The following KHDRBS2 variants were observed in gnomAD, a reference collection of about 807,000 sequenced individuals.
The protein encoded by KHDRBS2 is KH domain-containing, RNA-binding, signal transduction-associated protein 2.
A neutral mutation model predicts 44.3 loss-of-function variants in KHDRBS2; 26 were observed. The observed-to-expected ratio is 0.59, with a 90% CI of 0.43 to 0.81. The LOEUF (loss-of-function observed/expected upper bound fraction) is 0.81, where lower values mean the gene tolerates loss of function less well. KHDRBS2 is among the 40% of genes least tolerant of loss of function. The pLI is 0.00. For missense variants in KHDRBS2, 476 were observed against 433.1 expected, an observed-to-expected ratio of 1.10 and a Z score of -0.88; for synonymous variants, 194 against 151.1, an observed-to-expected ratio of 1.28 and a Z score of -2.08.
At chr6:61,776,276 C>G (rs1287548084) in intron 6 of KHDRBS2, among the ~76,000 whole-genome samples, 3 of 151,976 alleles carry the variant, frequency 2.0e-5, no homozygotes, top group Non-Finnish European at 4.4e-5. Flanking sequence ...GCAACAAAAG[C>G]CAAAATTGAC....
chr6:61,955,398 G>A (rs867433722), intron 4 of KHDRBS2, among the ~76,000 whole-genome samples: 3 of 31,980 alleles, frequency 9.4e-5, no homozygotes, highest in South Asian at 8.8e-4. Context: ...GTATGTGTAT[G>A]TATACATATA....
chr6:61,788,800 A>T (rs982977938), intron 6 of KHDRBS2, among the ~76,000 whole-genome samples: 46 of 151,344 alleles, frequency 3.0e-4, no homozygotes, highest in Non-Finnish European at 6.2e-4. Context: ...AGGAAGTAAA[A>T]TGTTCATAGA....
chr6:61,555,813 C>A, the KHDRBS2 span, among the ~76,000 whole-genome samples: 56 of 152,276 alleles, frequency 3.7e-4, 1 homozygote, highest in African/African-American at 1.3e-3. Context: ...CACTCCTGGG[C>A]TATATGCTTT....
intron 1 of KHDRBS2, among the ~76,000 whole-genome samples, chr6:62,253,868 G>T (rs1036699320): frequency 2.0e-5 from 3 of 151,802 alleles, no homozygotes; most frequent in Admixed American, 6.6e-5. Context: ...GCTATTTCTG[G>T]TATAACAGTG....
At chr6:61,677,170 C>T (rs1299653421), downstream of KHDRBS2, among the ~76,000 whole-genome samples, 1 of 151,826 alleles carries the variant, frequency 6.6e-6, no homozygotes, top group East Asian at 1.9e-4. Flanking sequence ...ACCACAACAA[C>T]AATCAAATAA....
At chr6:61,747,306 T>C (rs1267228851) in intron 6 of KHDRBS2, among the ~76,000 whole-genome samples, 2 of 152,086 alleles carry the variant, frequency 1.3e-5, no homozygotes, top group Non-Finnish European at 2.9e-5. Flanking sequence ...GAAATCAACA[T>C]CCCATAATGA....
intron 6 of KHDRBS2, among the ~76,000 whole-genome samples, chr6:61,876,129 C>A (rs1253217893): frequency 6.6e-6 from 1 of 151,978 alleles, no homozygotes; most frequent in Non-Finnish European, 1.5e-5. Context: ...CACTTTATGG[C>A]CTCCAAACCA....
At chr6:61,776,328 A>G (rs537111679) in intron 6 of KHDRBS2, among the ~76,000 whole-genome samples, 2 of 152,322 alleles carry the variant, frequency 1.3e-5, no homozygotes, top group South Asian at 4.1e-4. Context: ...GCACAGCAAA[A>G]GAAACTACCA....
chr6:62,257,453 T>C (rs1347783567), intron 1 of KHDRBS2, among the ~76,000 whole-genome samples: 1 of 152,114 alleles, frequency 6.6e-6, no homozygotes, highest in Non-Finnish European at 1.5e-5. Context: ...CAGATTATTC[T>C]TTATAGCTGC....
At chr6:62,169,179 G>A (rs1200850116) in intron 2 of KHDRBS2, among the ~76,000 whole-genome samples, 9 of 119,816 alleles carry the variant, frequency 7.5e-5, no homozygotes, top group East Asian at 2.5e-4. Context: ...ATGTATATAT[G>A]TATATATACG....
chr6:61,868,670 TCCAAAGC>T (rs1798137689), intron 6 of KHDRBS2, among the ~76,000 whole-genome samples: 1 of 151,912 alleles, frequency 6.6e-6, no homozygotes, highest in Admixed American at 6.6e-5. Context: ...ATTTGGGCTC[TCCAAAGC>T]CTGCAGCCTG....
At chr6:62,201,423 A>T (rs1465340466) in intron 1 of KHDRBS2, among the ~76,000 whole-genome samples, 4 of 152,136 alleles carry the variant, frequency 2.6e-5, no homozygotes, top group Non-Finnish European at 5.9e-5. Flanking sequence ...ATTAGTGTGT[A>T]GTTTTTATTA....
chr6:62,124,058 A>G (rs1808366450), intron 2 of KHDRBS2, among the ~76,000 whole-genome samples: 1 of 152,152 alleles, frequency 6.6e-6, no homozygotes, highest in African/African-American at 2.4e-5. Flanking sequence ...GTAACTTCAA[A>G]ATTGCTAAAT....
chr6:61,912,283 C>A (rs553780536), intron 4 of KHDRBS2, among the ~76,000 whole-genome samples: 3 of 151,928 alleles, frequency 2.0e-5, no homozygotes, highest in Non-Finnish European at 4.4e-5. Context: ...AAGTTCCCCC[C>A]AAAAAAGATA....
chr6:61,577,419 C>T, the KHDRBS2 span, among the ~76,000 whole-genome samples: 62 of 152,208 alleles, frequency 4.1e-4, no homozygotes, highest in African/African-American at 1.3e-3. Context: ...AGGCCTACAC[C>T]GTGTCAGAGA....
intron 6 of KHDRBS2, among the ~76,000 whole-genome samples, chr6:61,837,098 C>T (rs1422191308): frequency 6.6e-6 from 1 of 151,770 alleles, no homozygotes; most frequent in African/African-American, 2.4e-5. Flanking sequence ...TGTGGAGAAC[C>T]ATTTTGGGTT....
In KHDRBS2 at chr6:62,285,901, GCTAT is replaced by G; in HGVS notation, c.44_47del (p.Asp15AlafsTer43). ...ACGCATGCACAAAAGATGGATCCAG[GCTAT>G]CTTTCTCTGCCATCAGCTCAGGCAA... is the stretch of plus-strand genomic sequence containing the variant. On this transcript the variant is annotated frameshift_variant, in exon 1 of 9. Coordinates refer to ENST00000281156, the MANE Select transcript of KHDRBS2 (RefSeq NM_152688.4). LOFTEE classifies it high-confidence loss of function. 7 of 1,613,360 alleles carry G rather than the reference GCTAT, an allele frequency of 4.3e-6. No homozygotes were observed. The highest frequency in any genetic ancestry group is 3.4e-6 in the Non-Finnish European group (4 of 1,179,658).
At chr6:62,273,435 T>C (rs929063846) in intron 1 of KHDRBS2, among the ~76,000 whole-genome samples, 2 of 152,166 alleles carry the variant, frequency 1.3e-5, no homozygotes, top group African/African-American at 4.8e-5. Context: ...ACTGCAACAT[T>C]TGAAAATATT....
intron 2 of KHDRBS2, among the ~76,000 whole-genome samples, chr6:62,107,104 A>T (rs918563415): frequency 2.4e-4 from 36 of 151,784 alleles, no homozygotes; most frequent in African/African-American, 7.5e-4. Context: ...GCAATTAGGC[A>T]GGAGAAGGAA....
Sources: allele counts gnomAD v4.1 joint callset (sites outside exome capture counted in the v4.1 genomes callset), GRCh38; gene constraint gnomAD v4.1.1; transcripts MANE v1.5; gene names NCBI Gene and HGNC (gene_info 2026-07-23, HGNC 2026-07-21).